Variants in PRSS55 observed in about 807,000 individuals in gnomAD.
PRSS55 encodes the protein probable serine protease UNQ9391/PRO34284.
PRSS55 carries 41 observed loss-of-function variants against 23.6 expected under a neutral mutation model. The ratio of observed to expected loss-of-function variants is 1.74; its 90% confidence interval spans 1.35 to 2.26. PRSS55 has a LOEUF of 2.26. Among genes scored for constraint, PRSS55 ranks in the 30% most tolerant of loss-of-function variants. The pLI is 0.00. For missense variants in PRSS55, 669 were observed against 439.1 expected, an observed-to-expected ratio of 1.52 and a Z score of -4.68; for synonymous variants, 262 against 175.5, an observed-to-expected ratio of 1.49 and a Z score of -3.90.
rs1478548275 is a variant in PRSS55, at chr8:10,536,683, C to CACA, written c.742-1792_742-1791insCAA. ...CGTACACTGTGGAATACTACGAAGCCATAAAAAAAAACAAAATCATATCCT... is the reference window on the plus strand; with the variant it reads ...CGTACACTGTGGAATACTACGAAGCCACAATAAAAAAAAACAAAATCATATCCT... On this transcript the variant is annotated intron_variant, in intron 4 of 4. Coordinates refer to ENST00000328655, the MANE Select transcript of PRSS55 (RefSeq NM_198464.4). 4.8e-4 allele frequency among the ~76,000 whole-genome samples: 61 copies of CACA among 126,044 alleles called. 1 individual carries two copies. The highest frequency in any genetic ancestry group is 1.9e-3 in the African/African-American group (60 of 31,882). 82.7% of individuals were successfully genotyped at this position (126,044 alleles called of 152,430 possible).
downstream of PRSS55, among the ~76,000 whole-genome samples, chr8:10,542,161 G>T (rs1029184891): frequency 6.6e-6 from 1 of 152,102 alleles, no homozygotes; most frequent in South Asian, 2.1e-4. Context: ...GATTAGTTAG[G>T]CTACAGGATT....
At chr8:10,539,252 A>G (rs752104157), downstream of PRSS55, among the ~76,000 whole-genome samples, 4 of 152,202 alleles carry the variant, frequency 2.6e-5, no homozygotes, top group Non-Finnish European at 5.9e-5. Context: ...GCAGGCCTTC[A>G]GTGGATTGGA....
intron 4 of PRSS55, among the ~76,000 whole-genome samples, chr8:10,548,339 G>C (rs1278692661): frequency 6.6e-6 from 1 of 152,154 alleles, no homozygotes; most frequent in Non-Finnish European, 1.5e-5. Flanking sequence ...GCAGGTGACA[G>C]ACACAGCCCT....
rs563528240 is a variant in PRSS55 at position 10,548,584 on chromosome 8, C to A, written c.742-5359C>A. ...ACTTTGGACCCTTTCCTTCCTGACA[C>A]GGTGAGCCAGGAATCTGGGCCAACA... On this transcript the variant is annotated intron_variant, in intron 4 of 4. Transcript: ENST00000522210. Among the ~76,000 whole-genome samples the A allele has an allele frequency of 1.2e-4, 19 of 152,260 alleles. No individual in the cohort carries two copies. The South Asian group carries it at 1.7e-3, about 13-fold the overall frequency.
chr8:10,531,979 G>T (rs999481977), intron 3 of PRSS55, among the ~76,000 whole-genome samples: 1 of 152,114 alleles, frequency 6.6e-6, no homozygotes, highest in African/African-American at 2.4e-5. Context: ...GTTCCTTGTT[G>T]TTATGCTGTT....
intron 4 of PRSS55, among the ~76,000 whole-genome samples, chr8:10,536,022 T>C (rs564834283): frequency 7.1e-4 from 108 of 152,206 alleles, no homozygotes; most frequent in Non-Finnish European, 1.4e-3. Context: ...CCGTCTCTAC[T>C]GAAAATACAA....
chr8:10,529,741 C>A (rs1469518458), intron 2 of PRSS55, 42 bp downstream of exon 2: 1 of 1,577,908 alleles, frequency 6.3e-7, no homozygotes, highest in South Asian at 1.2e-5. Context: ...TCAGGGCGCC[C>A]ACCCCTGGGG....
At chr8:10,549,062 C>A (rs1175147945) in intron 4 of PRSS55, among the ~76,000 whole-genome samples, 4 of 152,130 alleles carry the variant, frequency 2.6e-5, no homozygotes, top group Non-Finnish European at 5.9e-5. Context: ...GCTAGGTGGC[C>A]CCTGGAGCCT....
chr8:10,551,314 C>T (rs1259429574), intron 4 of PRSS55, among the ~76,000 whole-genome samples: 7 of 151,888 alleles, frequency 4.6e-5, no homozygotes, highest in Admixed American at 3.3e-4. Context: ...TTTAAAATGC[C>T]CTCACTCACT....
chr8:10,551,691 T>C (rs951130707), intron 4 of PRSS55, among the ~76,000 whole-genome samples: 1 of 152,232 alleles, frequency 6.6e-6, no homozygotes, highest in Non-Finnish European at 1.5e-5. Flanking sequence ...ATTGGAACCA[T>C]GTCTCTCCAT....
intron 2 of PRSS55, among the ~76,000 whole-genome samples, chr8:10,530,571 A>C (rs1812215938): frequency 6.6e-6 from 1 of 152,188 alleles, no homozygotes; most frequent in Non-Finnish European, 1.5e-5. Context: ...ATAGATAAGG[A>C]AACTGATGTC....
At chr8:10,551,293 A>G (rs562773435) in intron 4 of PRSS55, among the ~76,000 whole-genome samples, 1 of 151,820 alleles carries the variant, frequency 6.6e-6, no homozygotes, top group East Asian at 2.0e-4. Flanking sequence ...TGAGGCAGAA[A>G]CACCCTTGGC....
At chr8:10,534,135 C>A (rs7463652) in intron 4 of PRSS55, among the ~76,000 whole-genome samples, 5 of 148,358 alleles carry the variant, frequency 3.4e-5, no homozygotes, top group Non-Finnish European at 6.0e-5. Context: ...ACAAAAAAAA[C>A]AAAAAAACAT....
At chr8:10,533,930 G>C (rs529475649) in intron 4 of PRSS55, among the ~76,000 whole-genome samples, 6 of 152,292 alleles carry the variant, frequency 3.9e-5, no homozygotes, top group Non-Finnish European at 8.8e-5. Flanking sequence ...AGAGCCTTGA[G>C]AGGTGGGTAC....
At chr8:10,533,500 A>C (rs1337870552) in intron 4 of PRSS55, among the ~76,000 whole-genome samples, 6 of 152,210 alleles carry the variant, frequency 3.9e-5, no homozygotes, top group Non-Finnish European at 7.3e-5. Context: ...TAAACAAACA[A>C]TGATAAAATA....
intron 4 of PRSS55, among the ~76,000 whole-genome samples, chr8:10,533,832 G>C (rs901898337): frequency 2.0e-5 from 3 of 152,182 alleles, no homozygotes; most frequent in African/African-American, 7.2e-5. Context: ...AACAGTGATG[G>C]AGAGGCTGCC....
chr8:10,530,185 A>G (rs904029413), intron 2 of PRSS55, among the ~76,000 whole-genome samples: 1 of 152,160 alleles, frequency 6.6e-6, no homozygotes, highest in Non-Finnish European at 1.5e-5. Flanking sequence ...ACTTTCCCCT[A>G]TTGGCCGGGT....
intron 4 of PRSS55, among the ~76,000 whole-genome samples, chr8:10,536,577 C>T (rs1049479916): frequency 2.2e-4 from 33 of 152,158 alleles, no homozygotes; most frequent in African/African-American, 7.5e-4. Flanking sequence ...ATGTTCGTCA[C>T]AGCGCTATTC....
intron 4 of PRSS55, among the ~76,000 whole-genome samples, chr8:10,549,129 G>T (rs1054344518): frequency 6.6e-6 from 1 of 152,200 alleles, no homozygotes; most frequent in African/African-American, 2.4e-5. Flanking sequence ...GGTCTAGAGG[G>T]GGAGATGGAT....
Sources: gnomAD v4.1 joint callset for allele counts (sites outside exome capture counted in the v4.1 genomes callset) on GRCh38, gnomAD v4.1.1 for gene constraint, MANE v1.5 for transcripts, NCBI Gene and HGNC (gene_info 2026-07-23, HGNC 2026-07-21) for gene names.